The following CNIH3 variants were observed in gnomAD, a reference collection of about 807,000 sequenced individuals.
CNIH3 encodes the protein protein cornichon homolog 3.
A neutral mutation model predicts 24.1 loss-of-function variants in CNIH3; 14 were observed. That is an observed-to-expected ratio of 0.58 (90% confidence interval 0.38 to 0.91). The LOEUF is 0.91. Among genes scored for constraint, CNIH3 ranks in the 40% least tolerant of loss-of-function variants. The probability of loss-of-function intolerance (pLI) is 0.00; values close to 1 mark genes in which losing one functional copy is unlikely to be tolerated. For missense variants in CNIH3, 178 were observed against 196.8 expected (o/e 0.90, Z 0.57); for synonymous variants, 68 against 73.8 (o/e 0.92, Z 0.40).
At chr1:224,504,081 C>A in intron 1 of CNIH3, among the ~76,000 whole-genome samples, 1 of 152,208 alleles carries the variant, frequency 6.6e-6, no homozygotes, top group Non-Finnish European at 1.5e-5. Context: ...ACAGTACTTG[C>A]CCTACTTACT....
rs374986836 is a variant in CNIH3 at position 224,667,763 on chromosome 1, A to AC, written c.82-13195_82-13194insC. The stretch of plus-strand genomic sequence containing the variant: ...GGGCAGTCAGTCCAATAAAAAAAAA[A>AC]AAAACCCATGACTACAATTCCACTC... On this transcript the variant is annotated intron_variant, in intron 1 of 5. Transcript: ENST00000272133. Among the ~76,000 whole-genome samples, 1,304 of 152,064 alleles carry AC rather than the reference A, an allele frequency of 8.6e-3. 19 individuals are homozygous for AC. The highest frequency in any genetic ancestry group is 0.029 in the African/African-American group (1,217 of 41,492).
chr1:224,485,860 C>T (rs1399225474), intron 1 of CNIH3, among the ~76,000 whole-genome samples: 1 of 152,190 alleles, frequency 6.6e-6, no homozygotes, highest in Non-Finnish European at 1.5e-5. Flanking sequence ...CATCCACAAT[C>T]ATCAACTTGT....
chr1:224,662,859 G>C (rs763331908), intron 1 of CNIH3, among the ~76,000 whole-genome samples: 15 of 152,132 alleles, frequency 9.9e-5, no homozygotes, highest in Non-Finnish European at 2.1e-4. Flanking sequence ...TTTTGCCCTG[G>C]TAGGTAATCC....
At chr1:224,610,400 C>G (rs775779547) in intron 3 of CNIH3, among the ~76,000 whole-genome samples, 8 of 152,142 alleles carry the variant, frequency 5.3e-5, no homozygotes, top group African/African-American at 1.4e-4. Context: ...CCCTGCTATT[C>G]TCCTGATAGT....
At chr1:224,566,052 C>T (rs546250263) in intron 3 of CNIH3, 3 of 151,916 alleles carry the variant, frequency 2.0e-5, no homozygotes, top group East Asian at 3.9e-4. Flanking sequence ...TTTATTCTCT[C>T]CCCATTGCTT....
chr1:224,443,022 C>T (rs1185433078), intron 1 of CNIH3, among the ~76,000 whole-genome samples: 2 of 152,112 alleles, frequency 1.3e-5, no homozygotes, highest in African/African-American at 4.8e-5. Flanking sequence ...ATTTTCTTTC[C>T]TCCAGAAGCT....
chr1:224,497,347 C>G (rs914622730), intron 1 of CNIH3, among the ~76,000 whole-genome samples: 4 of 152,108 alleles, frequency 2.6e-5, no homozygotes, highest in African/African-American at 9.7e-5. Flanking sequence ...GAACTGTATA[C>G]TTTAACAAAT....
upstream of CNIH3, among the ~76,000 whole-genome samples, chr1:224,513,456 A>G (rs1399080953): frequency 6.6e-6 from 1 of 151,788 alleles, no homozygotes. Flanking sequence ...CTGGGATTAC[A>G]GGTGTGAGCC....
intron 3 of CNIH3, among the ~76,000 whole-genome samples, chr1:224,694,314 A>G (rs547729634): frequency 5.9e-5 from 9 of 152,334 alleles, no homozygotes; most frequent in Admixed American, 2.0e-4. Context: ...AGTTTCAAAA[A>G]GTAAAGAAGT....
chr1:224,708,021 C>T (rs754135284), intron 3 of CNIH3, among the ~76,000 whole-genome samples: 1 of 152,132 alleles, frequency 6.6e-6, no homozygotes, highest in Admixed American at 6.5e-5. Context: ...TGACTCACCC[C>T]ATCCTGCTCC....
In CNIH3 at chr1:224,654,632, C is replaced by G. The variant is rs542724768; in HGVS notation, c.82-26326C>G. On this transcript the variant is annotated intron_variant, in intron 1 of 5. Coordinates refer to ENST00000272133, the MANE Select transcript of CNIH3 (RefSeq NM_152495.2). ...GGATTTAATTGGCTATACACAATAA[C>G]TCCATACAGCAGGTCACTTCCTTTA... Among the ~76,000 whole-genome samples the G allele has an allele frequency of 2.6e-5, 4 of 152,262 alleles. No individual in the cohort carries two copies. In the South Asian group the frequency reaches 8.3e-4, roughly 32 times the overall value.
chr1:224,634,842 C>T (rs1054170325), intron 1 of CNIH3, among the ~76,000 whole-genome samples: 14 of 152,194 alleles, frequency 9.2e-5, no homozygotes, highest in African/African-American at 3.4e-4. Context: ...CTCGGCCCTA[C>T]CTGCACCACT....
intron 2 of CNIH3, among the ~76,000 whole-genome samples, chr1:224,524,013 T>C (rs1196574888): frequency 1.3e-5 from 2 of 152,222 alleles, no homozygotes; most frequent in Non-Finnish European, 2.9e-5. Flanking sequence ...AATGACCAGA[T>C]GCAAATGGAC....
At chr1:224,726,659 G>A (rs1049954792) in intron 3 of CNIH3, among the ~76,000 whole-genome samples, 1 of 152,024 alleles carries the variant, frequency 6.6e-6, no homozygotes, top group Non-Finnish European at 1.5e-5. Flanking sequence ...GGTTTTACTC[G>A]CCCTTTCCAA....
intron 2 of CNIH3, among the ~76,000 whole-genome samples, chr1:224,531,887 C>T (rs570234769): frequency 2.8e-4 from 43 of 152,070 alleles, no homozygotes; most frequent in African/African-American, 8.0e-4. Context: ...GGTAGAGAGG[C>T]GAGAGAAGGC....
chr1:224,727,621 A>G (rs895953344), intron 3 of CNIH3, among the ~76,000 whole-genome samples: 1 of 152,142 alleles, frequency 6.6e-6, no homozygotes, highest in Non-Finnish European at 1.5e-5. Context: ...GGCAGCCATA[A>G]TGGCTATGGT....
intron 1 of CNIH3, among the ~76,000 whole-genome samples, chr1:224,646,720 T>A (rs551321989): frequency 6.6e-5 from 10 of 152,168 alleles, no homozygotes; most frequent in African/African-American, 2.4e-4. Flanking sequence ...ACAAGCAGGT[T>A]TTTAAAGGCA....
upstream of CNIH3, among the ~76,000 whole-genome samples, chr1:224,515,015 T>C (rs933451400): frequency 6.6e-6 from 1 of 152,232 alleles, no homozygotes; most frequent in Non-Finnish European, 1.5e-5. Context: ...CTCTGGCACA[T>C]GGCCATGACT....
In CNIH3 at chr1:224,667,753, TAAAAAAA is replaced by T. The variant is rs5781378; in HGVS notation, c.82-13197_82-13191del. Among the ~76,000 whole-genome samples the T allele has an allele frequency of 7.3e-5, 10 of 137,856 alleles. No homozygotes were observed. In the South Asian group the frequency reaches 2.3e-3, roughly 31 times the overall value. The allele number at this position is 137,856 out of a possible 152,430, so 90.4% of individuals were successfully genotyped here. On this transcript the variant is annotated intron_variant, in intron 1 of 5. Coordinates refer to ENST00000272133, the MANE Select transcript of CNIH3 (RefSeq NM_152495.2). ...CAGTCAAGGAGGGCAGTCAGTCCAA[TAAAAAAA>T]AAAAAAACCCATGACTACAATTCCA...
Sources: gnomAD v4.1 joint callset for allele counts (sites outside exome capture counted in the v4.1 genomes callset) on GRCh38, gnomAD v4.1.1 for gene constraint, MANE v1.5 for transcripts, NCBI Gene and HGNC (gene_info 2026-07-23, HGNC 2026-07-21) for gene names.